Variants in SORCS1 observed in about 807,000 individuals in gnomAD.
SORCS1 encodes the protein sortilin related VPS10 domain containing receptor 1, also known as VPS10 domain-containing receptor SorCS1.
A neutral mutation model predicts 146.1 loss-of-function variants in SORCS1; 60 were observed. The observed-to-expected ratio is 0.41, with a 90% CI of 0.33 to 0.51. The LOEUF is 0.51. Ranked by LOEUF, SORCS1 falls within the 20% of genes least tolerant of loss-of-function variation. The pLI is 0.21. For synonymous variants in SORCS1, 637 were observed against 584.0 expected (o/e 1.09, Z -1.31); for missense variants, 1,352 against 1,487.6 (o/e 0.91, Z 1.50).
At position 106,819,766 on chromosome 10, in the gene SORCS1, G is replaced by A. The variant is rs151220207; in HGVS notation, c.726+9808C>T. On this transcript the variant is annotated intron_variant, in intron 3 of 25. Coordinates refer to ENST00000263054, the MANE Select transcript of SORCS1 (RefSeq NM_052918.5). ...TCTTTTACCCCTTTGAAACCACTCAGGAAGAACAGAAAGATAAGGGTAAAT... is the reference window on the plus strand; with the variant it reads ...TCTTTTACCCCTTTGAAACCACTCAAGAAGAACAGAAAGATAAGGGTAAAT... Among the ~76,000 whole-genome samples the A allele has an allele frequency of 4.7e-4, 72 of 152,184 alleles. No homozygotes were observed. The East Asian group carries it at 0.012, about 26-fold the overall frequency.
At chr10:106,636,266 GA>G (rs201718166) in intron 18 of SORCS1, among the ~76,000 whole-genome samples, 17 of 146,982 alleles carry the variant, frequency 1.2e-4, no homozygotes, top group Admixed American at 4.1e-4. Flanking sequence ...TCTCACTAAA[GA>G]AAAAAAAAAT....
intron 1 of SORCS1, among the ~76,000 whole-genome samples, chr10:107,096,633 T>C (rs920515276): frequency 3.9e-5 from 6 of 152,186 alleles, no homozygotes; most frequent in African/African-American, 1.4e-4. Flanking sequence ...TGCCTCAGCC[T>C]CCTGAGTAGC....
At chr10:107,017,877 G>A (rs1957965180) in intron 1 of SORCS1, among the ~76,000 whole-genome samples, 1 of 152,002 alleles carries the variant, frequency 6.6e-6, no homozygotes, top group Admixed American at 6.6e-5. Context: ...TGTTAGTCAG[G>A]CTAGTCTTGA....
At chr10:106,793,941 C>G (rs1325432501) in intron 3 of SORCS1, among the ~76,000 whole-genome samples, 4 of 152,174 alleles carry the variant, frequency 2.6e-5, no homozygotes, top group Non-Finnish European at 5.9e-5. Context: ...TTTCAATGTT[C>G]AACAAATTCC....
chr10:106,706,760 C>T, intron 7 of SORCS1, 126 bp from the exon 8 acceptor site: 1 of 824,650 alleles, frequency 1.2e-6, no homozygotes, highest in East Asian at 2.7e-5. Flanking sequence ...CTATTGCGGA[C>T]AAGTGTAAAG....
intron 1 of SORCS1, among the ~76,000 whole-genome samples, chr10:107,088,307 A>G (rs547356975): frequency 7.2e-5 from 11 of 152,272 alleles, no homozygotes; most frequent in African/African-American, 2.6e-4. Context: ...AGATCTCAGA[A>G]TTGTGAGACA....
intron 6 of SORCS1, among the ~76,000 whole-genome samples, chr10:106,726,313 T>G (rs1272365697): frequency 6.9e-6 from 1 of 144,570 alleles, no homozygotes; most frequent in Non-Finnish European, 1.5e-5. Flanking sequence ...TTAAATCCTT[T>G]TATTGAATTT....
chr10:106,669,547 T>TAAAATCTC (rs1851427544), intron 16 of SORCS1, among the ~76,000 whole-genome samples: 1 of 152,222 alleles, frequency 6.6e-6, no homozygotes, highest in African/African-American at 2.4e-5. Flanking sequence ...ATGAATGACT[T>TAAAATCTC]AAAATCTCAT....
Position 107,164,539 on chromosome 10 carries a change from G to C in SORCS1, c.-13C>G. The stretch of plus-strand genomic sequence containing the variant: ...CAACTTTTCCCATCGCGGGAGCGAA[G>C]AGCAGCGGAGAGAGGGGTCCCAGAA... On this transcript the variant is annotated 5_prime_UTR_variant, in exon 1 of 26. Transcript: ENST00000263054. This position sits in a 1 kb window ranked among gnomAD's most constrained non-coding sequence, Gnocchi z 6.8. 7.5e-7 allele frequency: 1 copy of C among 1,341,720 alleles called. No individual in the cohort carries two copies. The highest frequency in any genetic ancestry group is 9.5e-7 in the Non-Finnish European group (1 of 1,053,740). The allele number at this position is 1,341,720 out of a possible 1,614,324, so 83.1% of individuals were successfully genotyped here.
At chr10:106,707,886 A>G (rs933558791) in intron 7 of SORCS1, among the ~76,000 whole-genome samples, 1 of 152,216 alleles carries the variant, frequency 6.6e-6, no homozygotes, top group Non-Finnish European at 1.5e-5. Context: ...CTGCATACTC[A>G]GAATGTCAAC....
chr10:107,018,147 C>A (rs753796955), intron 1 of SORCS1, among the ~76,000 whole-genome samples: 1 of 152,008 alleles, frequency 6.6e-6, no homozygotes, highest in Non-Finnish European at 1.5e-5. Context: ...ATCACATGCC[C>A]TTTGTCCAAG....
intron 18 of SORCS1, among the ~76,000 whole-genome samples, chr10:106,644,085 T>C (rs1255354301): frequency 6.6e-6 from 1 of 152,184 alleles, no homozygotes; most frequent in Admixed American, 6.5e-5. Flanking sequence ...CAGAAAGGTT[T>C]TTCTTATTTT....
chr10:106,726,913 C>T (rs1293506950), intron 6 of SORCS1, among the ~76,000 whole-genome samples: 40 of 151,854 alleles, frequency 2.6e-4, no homozygotes, highest in Admixed American at 2.6e-3. Flanking sequence ...GGTGAAACCC[C>T]GTCTCTACTA....
At chr10:106,894,412 A>C (rs1951383200) in intron 2 of SORCS1, among the ~76,000 whole-genome samples, 1 of 152,056 alleles carries the variant, frequency 6.6e-6, no homozygotes, top group Admixed American at 6.6e-5. Flanking sequence ...CATTAGTTCC[A>C]ATCCATGTTG....
At chr10:107,172,618 C>G in the SORCS1 span, among the ~76,000 whole-genome samples, 2 of 152,144 alleles carry the variant, frequency 1.3e-5, no homozygotes, top group Admixed American at 1.3e-4. Flanking sequence ...AACCTCAGTC[C>G]AAAACCTAAT....
rs201338721 is a variant in SORCS1, at chr10:106,806,384, A to AAAAATAAAATAAAATAAAATAAAAT, written c.726+23165_726+23189dup. On this transcript the variant is annotated intron_variant, in intron 3 of 25. Coordinates refer to ENST00000263054, the MANE Select transcript of SORCS1 (RefSeq NM_052918.5). ...CTCCTCCTCAAAAATAAAATAAAAT[A>AAAAATAAAATAAAATAAAATAAAAT]AAAATAAAATAAAATAAAATAAAAT... 9.2e-4 allele frequency among the ~76,000 whole-genome samples: 128 copies of AAAAATAAAATAAAATAAAATAAAAT among 139,716 alleles called. 3 individuals carry two copies. Among genetic ancestry groups the AAAAATAAAATAAAATAAAATAAAAT allele is most frequent in the South Asian group, 2.1e-3 (9 of 4,376 alleles). The allele number at this position is 139,716 out of a possible 152,430, so 91.7% of individuals were successfully genotyped here. A position where few individuals can be genotyped will look rare whatever the true frequency, so the allele number is the denominator to read the frequency against.
At chr10:106,723,690 C>T (rs1855941552) in intron 6 of SORCS1, among the ~76,000 whole-genome samples, 1 of 152,124 alleles carries the variant, frequency 6.6e-6, no homozygotes, top group African/African-American at 2.4e-5. Flanking sequence ...ACATCAGTGC[C>T]AACCATAGAC....
chr10:106,916,774 G>C (rs1952456970), intron 2 of SORCS1, among the ~76,000 whole-genome samples: 2 of 151,798 alleles, frequency 1.3e-5, no homozygotes. Context: ...TTTTGAGACA[G>C]AGTCCCACTC....
intron 3 of SORCS1, among the ~76,000 whole-genome samples, chr10:106,805,895 A>C (rs1018850605): frequency 1.3e-5 from 2 of 149,084 alleles, no homozygotes; most frequent in Non-Finnish European, 3.0e-5. Flanking sequence ...CGTCTCTACT[A>C]AAAAAATACA....
Sources: gnomAD v4.1 joint callset for allele counts (sites outside exome capture counted in the v4.1 genomes callset) on GRCh38, gnomAD v4.1.1 for gene constraint, Gnocchi (gnomAD v3.1) non-coding constraint, MANE v1.5 for transcripts, NCBI Gene and HGNC (gene_info 2026-07-23, HGNC 2026-07-21) for gene names.